The following UNC13C variants were observed in gnomAD, a reference collection of about 807,000 sequenced individuals.
The protein encoded by UNC13C is protein unc-13 homolog C.
UNC13C carries 174 observed loss-of-function variants against 245.4 expected under a neutral mutation model. The observed-to-expected ratio is 0.71, with a 90% CI of 0.63 to 0.80. UNC13C has a LOEUF of 0.80. UNC13C is among the 30% of genes least tolerant of loss of function. The probability of loss-of-function intolerance (pLI) is 0.00; values close to 1 mark genes in which losing one functional copy is unlikely to be tolerated. For synonymous variants in UNC13C, 992 were observed against 895.1 expected (o/e 1.11, Z -1.93); for missense variants, 2,829 against 2,602.9 (o/e 1.09, Z -1.89).
intron 30 of UNC13C, among the ~76,000 whole-genome samples, chr15:54,605,403 T>G (rs1899714080): frequency 6.6e-6 from 1 of 152,174 alleles, no homozygotes; most frequent in Admixed American, 6.5e-5. Flanking sequence ...GCCACTGGAT[T>G]TTGTTTACTT....
intron 17 of UNC13C, among the ~76,000 whole-genome samples, chr15:54,357,366 A>G (rs1016300183): frequency 1.1e-4 from 17 of 152,076 alleles, no homozygotes; most frequent in African/African-American, 4.1e-4. Flanking sequence ...ACAACCTGGA[A>G]TATTTTTAAA....
chr15:53,981,249 T>C (rs1480168270), intron 1 of UNC13C, among the ~76,000 whole-genome samples: 2 of 152,308 alleles, frequency 1.3e-5, no homozygotes, highest in African/African-American at 4.8e-5. Flanking sequence ...TTTCAACATA[T>C]ATGTTTCTGT....
chr15:54,143,998 A>G (rs895540766), intron 4 of UNC13C, among the ~76,000 whole-genome samples: 3 of 152,154 alleles, frequency 2.0e-5, no homozygotes, highest in African/African-American at 7.2e-5. Flanking sequence ...ATTCATATTG[A>G]TACAATTAAT....
chr15:53,855,232 A>C, the UNC13C span, among the ~76,000 whole-genome samples: 1 of 152,186 alleles, frequency 6.6e-6, no homozygotes, highest in Non-Finnish European at 1.5e-5. Flanking sequence ...GAATCATGTC[A>C]TCTGTAAGCA....
chr15:54,106,760 C>G (rs1460706214), intron 2 of UNC13C, among the ~76,000 whole-genome samples: 1 of 152,044 alleles, frequency 6.6e-6, no homozygotes, highest in African/African-American at 2.4e-5. Flanking sequence ...TAAAACCGAC[C>G]AAAATATCAA....
chr15:54,160,074 C>T (rs948740237), intron 4 of UNC13C, among the ~76,000 whole-genome samples: 11 of 151,794 alleles, frequency 7.2e-5, no homozygotes, highest in African/African-American at 1.9e-4. Flanking sequence ...TGATACATCA[C>T]GGAAAACTAG....
intron 13 of UNC13C, among the ~76,000 whole-genome samples, chr15:54,316,523 G>C (rs1055555733): frequency 6.6e-6 from 1 of 151,784 alleles, no homozygotes; most frequent in Non-Finnish European, 1.5e-5. Context: ...TGTCTTCATA[G>C]CACTCTTCTA....
intron 22 of UNC13C, among the ~76,000 whole-genome samples, chr15:54,504,635 TG>T (rs552523304): frequency 6.6e-6 from 1 of 152,232 alleles, no homozygotes; most frequent in South Asian, 2.1e-4. Context: ...TATCTTATGT[TG>T]GATGTGTTAA....
At chr15:54,068,009 T>A (rs1282829319) in intron 2 of UNC13C, among the ~76,000 whole-genome samples, 2 of 152,138 alleles carry the variant, frequency 1.3e-5, no homozygotes, top group African/African-American at 2.4e-5. Context: ...AAATTGGGGT[T>A]ATTGAGAAGC....
the UNC13C span, among the ~76,000 whole-genome samples, chr15:53,848,516 A>G: frequency 6.6e-6 from 1 of 152,152 alleles, no homozygotes. Flanking sequence ...TTTTAAATAT[A>G]TTGAGACTTA....
intron 2 of UNC13C, among the ~76,000 whole-genome samples, chr15:54,098,829 A>G (rs1900017626): frequency 6.6e-6 from 1 of 152,164 alleles, no homozygotes; most frequent in Non-Finnish European, 1.5e-5. Context: ...CGAGATTTCC[A>G]TCTTCATCAA....
chr15:54,404,491 T>A (rs1275681796), intron 18 of UNC13C, among the ~76,000 whole-genome samples: 1 of 152,106 alleles, frequency 6.6e-6, no homozygotes, highest in Non-Finnish European at 1.5e-5. Flanking sequence ...GTGGAATGGA[T>A]CAGTTATTTC....
chr15:54,007,826 T>A (rs2140984048), intron 1 of UNC13C, among the ~76,000 whole-genome samples: 1 of 152,110 alleles, frequency 6.6e-6, no homozygotes, highest in East Asian at 1.9e-4. Flanking sequence ...GGAATACAGA[T>A]CAGAATAAGG....
At position 54,014,897 on chromosome 15, in the gene UNC13C, A is replaced by T; in HGVS notation, c.1994A>T (p.Asp665Val). Residue 665 changes from aspartate to valine, a missense_variant, in exon 2 of 33, where the codon GAT (aspartate) becomes GTT (valine). By Grantham distance (152) the Asp-to-Val change is radical (BLOSUM62 -3). Transcript: ENST00000260323. ...TGGAAGGAATGGAATCAAGGAGCTG[A>T]TTTAGGCTTGGATTCATCCACCCAG... Reference protein sequence around the residue: ...SPWKEWNQGADLGLDSSTQEG... With the variant: ...SPWKEWNQGAVLGLDSSTQEG... The T allele has an allele frequency of 6.2e-7, 1 of 1,613,902 alleles. No individual in the cohort carries two copies. Among genetic ancestry groups the T allele is most frequent in the Non-Finnish European group, 8.5e-7 (1 of 1,179,838 alleles).
Position 54,627,069 on chromosome 15 carries a change from G to C in UNC13C, c.6601G>C (p.Val2201Leu). 1 of 1,612,810 alleles carries C rather than the reference G, an allele frequency of 6.2e-7. No individual in the cohort carries two copies. The highest frequency in any genetic ancestry group is 1.1e-5 in the South Asian group (1 of 91,002). Residue 2201 changes from valine (V) to leucine (L), a missense_variant, in exon 33 of 33, where the codon GTA becomes CTA. Physicochemically the swap from Val to Leu is conservative, Grantham distance 32. Transcript: ENST00000260323. ...CAGTGATGATGTGGCTAAAGAATTT[G>C]TAAGACTTAAATCTGAAACAAGATC... is the stretch of plus-strand genomic sequence containing the variant. ...RTSDDVAKEF[V>L]RLKSETRSTE...
the UNC13C span, among the ~76,000 whole-genome samples, chr15:53,924,269 G>C: frequency 2.0e-5 from 3 of 152,142 alleles, no homozygotes; most frequent in African/African-American, 2.4e-5. Flanking sequence ...GCACAGTTCA[G>C]TGCTAATAGA....
At chr15:53,872,651 C>A in the UNC13C span, among the ~76,000 whole-genome samples, 1 of 152,138 alleles carries the variant, frequency 6.6e-6, no homozygotes, top group Non-Finnish European at 1.5e-5. Flanking sequence ...TTACAATCTA[C>A]CCACAGACTA....
chr15:54,248,923 GGAATT>G (rs2036068795), intron 7 of UNC13C, among the ~76,000 whole-genome samples: 1 of 152,116 alleles, frequency 6.6e-6, no homozygotes, highest in Non-Finnish European at 1.5e-5. Flanking sequence ...ACCATACTGT[GGAATT>G]GAAAGTTAGT....
chr15:53,944,158 A>G, the UNC13C span, among the ~76,000 whole-genome samples: 1 of 152,152 alleles, frequency 6.6e-6, no homozygotes, highest in Non-Finnish European at 1.5e-5. Flanking sequence ...TCTGCCATCT[A>G]AGATGCCTCC....
Sources: gnomAD v4.1 joint callset for allele counts (sites outside exome capture counted in the v4.1 genomes callset) on GRCh38, gnomAD v4.1.1 for gene constraint, MANE v1.5 for transcripts, NCBI Gene and HGNC (gene_info 2026-07-23, HGNC 2026-07-21) for gene names.